The following NT5C2 variants were observed in gnomAD, a reference collection of about 807,000 sequenced individuals.
The protein encoded by NT5C2 is 5'-nucleotidase, cytosolic II.
A neutral mutation model predicts 76.1 loss-of-function variants in NT5C2; 58 were observed. The ratio of observed to expected loss-of-function variants is 0.76; its 90% CI spans 0.62 to 0.95. NT5C2 has a LOEUF of 0.95. NT5C2 is among the 40% of genes least tolerant of loss of function. NT5C2 has a pLI of 0.00. For missense variants in NT5C2, 478 were observed against 690.3 expected, an observed-to-expected ratio of 0.69 and a Z score of 3.45; for synonymous variants, 229 against 237.4, an observed-to-expected ratio of 0.96 and a Z score of 0.32.
intron 3 of NT5C2, chr10:103,153,265 A>C (rs1401867157): frequency 1.6e-6 from 2 of 1,276,514 alleles, no homozygotes; most frequent in African/African-American, 1.5e-5. Context: ...GAAAAATGAA[A>C]GAGAAAGAAT....
At chr10:103,169,086 GATA>G (rs1269878562) in intron 3 of NT5C2, among the ~76,000 whole-genome samples, 1 of 152,014 alleles carries the variant, frequency 6.6e-6, no homozygotes, top group Non-Finnish European at 1.5e-5. Context: ...GATGAGTACA[GATA>G]ATAATCTACT....
intron 3 of NT5C2, among the ~76,000 whole-genome samples, chr10:103,162,474 C>G (rs1391694221): frequency 2.0e-5 from 3 of 152,128 alleles, no homozygotes; most frequent in African/African-American, 7.2e-5. Flanking sequence ...CCTATTTATT[C>G]ATCAGAAAAA....
At chr10:103,173,047 T>A (rs1238250685) in intron 3 of NT5C2, among the ~76,000 whole-genome samples, 1 of 151,982 alleles carries the variant, frequency 6.6e-6, no homozygotes, top group East Asian at 1.9e-4. Context: ...TGGGGTCTCA[T>A]CATATTGCCC....
intron 6 of NT5C2, 107 bp downstream of exon 6, chr10:103,105,599 T>A: frequency 1.3e-6 from 1 of 793,756 alleles, no homozygotes; most frequent in South Asian, 2.1e-5. Context: ...ATTTGCTCTT[T>A]AATGATGAAA....
intron 4 of NT5C2, among the ~76,000 whole-genome samples, chr10:103,128,484 C>G (rs1214257187): frequency 9.2e-6 from 1 of 108,938 alleles, no homozygotes; most frequent in Non-Finnish European, 2.0e-5. Context: ...TGCCCGGCCA[C>G]CACCCCGTCT....
chr10:103,167,886 G>A (rs2134389952), intron 3 of NT5C2, among the ~76,000 whole-genome samples: 1 of 152,080 alleles, frequency 6.6e-6, no homozygotes, highest in East Asian at 1.9e-4. Flanking sequence ...CACCCGCCTG[G>A]GTCTCCCAAA....
At chr10:103,164,004 C>A (rs940522894) in intron 3 of NT5C2, among the ~76,000 whole-genome samples, 5 of 151,820 alleles carry the variant, frequency 3.3e-5, no homozygotes, top group Non-Finnish European at 5.9e-5. Context: ...TTTGGGAGTC[C>A]AAGGCAGGAG....
intron 3 of NT5C2, among the ~76,000 whole-genome samples, chr10:103,165,385 C>T (rs2086108104): frequency 6.6e-6 from 1 of 151,832 alleles, no homozygotes; most frequent in African/African-American, 2.4e-5. Flanking sequence ...CCCAGCTACT[C>T]GGGAAGCTGA....
At chr10:103,121,199 T>A (rs541455278) in intron 4 of NT5C2, among the ~76,000 whole-genome samples, 1 of 152,138 alleles carries the variant, frequency 6.6e-6, no homozygotes, top group Non-Finnish European at 1.5e-5. Context: ...TGGAAATGGA[T>A]AGTGGTGAGC....
At chr10:103,139,277 C>A (rs979604923) in intron 4 of NT5C2, 129 bp downstream of exon 4, 10 of 518,608 alleles carry the variant, frequency 1.9e-5, no homozygotes, top group Admixed American at 1.5e-4. Context: ...TGGAAGCAAC[C>A]TGATAATAAA....
Position 103,094,434 on chromosome 10 carries a change from A to G in NT5C2, c.835T>C (p.Trp279Arg). 6.2e-7 allele frequency: 1 copy of G among 1,613,056 alleles called. No homozygotes were observed. Among genetic ancestry groups the G allele is most frequent in the Non-Finnish European group, 8.5e-7 (1 of 1,179,136 alleles). ...GPKPGSSHRPWQSYFDLILVD... is the reference protein window; with the variant it reads ...GPKPGSSHRPRQSYFDLILVD... ...AAGATCAAGTCAAAGTAGGACTGCC[A>G]TGGTCGATGGGAGCTCCCAGGCTGG... Residue 279 changes from tryptophan (W) to arginine (R), a missense_variant, in exon 13 of 19, where the codon TGG becomes CGG. Coordinates refer to ENST00000404739, the MANE Select transcript of NT5C2 (RefSeq NM_001351169.2).
intron 11 of NT5C2, among the ~76,000 whole-genome samples, chr10:103,096,367 A>G (rs2068177578): frequency 6.6e-6 from 1 of 152,214 alleles, no homozygotes; most frequent in South Asian, 2.1e-4. Context: ...CGGTTTATGT[A>G]AGACTGTTTA....
intron 11 of NT5C2, among the ~76,000 whole-genome samples, chr10:103,096,845 CA>C (rs71019656): frequency 0.1 from 3,222 of 31,262 alleles, 12 homozygotes; most frequent in African/African-American, 0.14. Flanking sequence ...GACTCTGTCT[CA>C]AAAAAAAAAA....
intron 3 of NT5C2, among the ~76,000 whole-genome samples, chr10:103,155,266 T>C (rs1007561360): frequency 1.3e-5 from 2 of 152,226 alleles, no homozygotes; most frequent in East Asian, 1.9e-4. Flanking sequence ...ATAGATCCTC[T>C]TGGCTGAGTC....
chr10:103,146,774 A>T (rs896120727), intron 3 of NT5C2, among the ~76,000 whole-genome samples: 2 of 152,308 alleles, frequency 1.3e-5, no homozygotes, highest in Admixed American at 1.3e-4. Context: ...TCTTCCATTC[A>T]ATTCACAGTG....
At chr10:103,125,328 C>G in intron 4 of NT5C2, 1 of 481,190 alleles carries the variant, frequency 2.1e-6, no homozygotes. Context: ...GACTTTGGAG[C>G]ACAGCCTAGT....
intron 16 of NT5C2, among the ~76,000 whole-genome samples, 157 bp downstream of exon 16, chr10:103,091,407 G>A (rs994687148): frequency 4.0e-5 from 6 of 151,686 alleles, no homozygotes; most frequent in Non-Finnish European, 7.4e-5. Context: ...GTGCAATGGT[G>A]CAATCTCAGC....
intron 3 of NT5C2, among the ~76,000 whole-genome samples, chr10:103,172,380 C>T (rs1185329939): frequency 2.7e-5 from 4 of 150,910 alleles, no homozygotes; most frequent in Admixed American, 2.0e-4. Context: ...TCCCGAGTAG[C>T]TGGGACTACA....
At chr10:103,152,052 C>A (rs1484241013) in intron 3 of NT5C2, among the ~76,000 whole-genome samples, 1 of 152,148 alleles carries the variant, frequency 6.6e-6, no homozygotes, top group Admixed American at 6.5e-5. Flanking sequence ...CTAACTACTT[C>A]CAAGAACTTT....
Sources: gnomAD v4.1 joint callset for allele counts (sites outside exome capture counted in the v4.1 genomes callset) on GRCh38, gnomAD v4.1.1 for gene constraint, MANE v1.5 for transcripts, NCBI Gene and HGNC (gene_info 2026-07-23, HGNC 2026-07-21) for gene names.